Variants in STK3 observed in about 807,000 individuals in gnomAD.
The protein encoded by STK3 is serine/threonine-protein kinase 3.
In STK3, 41 loss-of-function variants were observed where a neutral mutation model predicts 58.0. That is an observed-to-expected ratio of 0.71 (90% CI 0.55 to 0.92). The LOEUF (loss-of-function observed/expected upper bound fraction) is 0.92, where lower values mean the gene tolerates loss of function less well. Ranked by LOEUF, STK3 falls within the 40% of genes least tolerant of loss-of-function variation. The pLI is 0.00. For missense variants in STK3, 479 were observed against 602.7 expected (o/e 0.79, Z 2.15); for synonymous variants, 170 against 191.0 (o/e 0.89, Z 0.91).
At chr8:98,451,256 T>C (rs1186869379), downstream of STK3, among the ~76,000 whole-genome samples, 5 of 152,282 alleles carry the variant, frequency 3.3e-5, no homozygotes, top group Admixed American at 3.3e-4. Context: ...TATACTGGCA[T>C]GCATTGTGGG....
chr8:98,911,267 C>T (rs1839120637), intron 1 of STK3, among the ~76,000 whole-genome samples: 1 of 152,184 alleles, frequency 6.6e-6, no homozygotes, highest in Non-Finnish European at 1.5e-5. Context: ...AGGTAGACCA[C>T]AACTAATTGT....
rs1563825582 is a variant in STK3, at chr8:98,630,655, A to AAGGAGAAGGAGAAGGAGGAGAAGG, written c.685-34510_685-34487dup. Among the ~76,000 whole-genome samples the AAGGAGAAGGAGAAGGAGGAGAAGG allele has an allele frequency of 1.3e-4, 19 of 149,626 alleles. No individual in the cohort carries two copies. In the East Asian group the frequency reaches 3.6e-3, roughly 28 times the overall value. On this transcript the variant is annotated intron_variant, in intron 6 of 10. Transcript: ENST00000419617. Reference sequence around the variant, plus strand: ...GGAACAGAAGAAGAAGGAGAAGGAGAAGGAGAAGGAGAAGGAGGAGAAGGA... The same window carrying AAGGAGAAGGAGAAGGAGGAGAAGG: ...GGAACAGAAGAAGAAGGAGAAGGAGAAGGAGAAGGAGAAGGAGGAGAAGGAGGAGAAGGAGAAGGAGGAGAAGGA...
intron 10 of STK3, among the ~76,000 whole-genome samples, chr8:98,459,753 G>A (rs1371922351): frequency 1.3e-5 from 2 of 152,260 alleles, no homozygotes; most frequent in Non-Finnish European, 2.9e-5. Context: ...CTCGGGCCAT[G>A]GCTTCAGCTC....
At chr8:98,459,366 A>G (rs1045159337) in intron 10 of STK3, among the ~76,000 whole-genome samples, 1 of 152,240 alleles carries the variant, frequency 6.6e-6, no homozygotes, top group Non-Finnish European at 1.5e-5. Context: ...AAAAGCATTC[A>G]GTTTTATGGA....
intron 6 of STK3, among the ~76,000 whole-genome samples, chr8:98,697,040 C>T (rs1421087522): frequency 3.3e-5 from 5 of 152,112 alleles, no homozygotes; most frequent in East Asian, 3.9e-4. Context: ...TCAGAGCCTG[C>T]TATTGGTCTA....
chr8:98,736,645 C>T (rs919800683), intron 4 of STK3, among the ~76,000 whole-genome samples: 17 of 152,050 alleles, frequency 1.1e-4, no homozygotes, highest in Non-Finnish European at 1.5e-4. Flanking sequence ...GAATCAAGAA[C>T]GCTTTACCCC....
chr8:98,648,079 TAC>T (rs1563842757), intron 6 of STK3, among the ~76,000 whole-genome samples: 1 of 152,184 alleles, frequency 6.6e-6, no homozygotes. Flanking sequence ...TACCTTTCTC[TAC>T]AACTCCAGGT....
intron 9 of STK3, among the ~76,000 whole-genome samples, chr8:98,535,183 AAAGT>A (rs1364337107): frequency 5.3e-5 from 8 of 152,198 alleles, no homozygotes; most frequent in African/African-American, 1.9e-4. Flanking sequence ...AACTGCTGGA[AAAGT>A]AAGAAACTCC....
At chr8:98,427,756 A>C in intron 3 of STK3, 1 of 493,200 alleles carries the variant, frequency 2.0e-6, no homozygotes, top group African/African-American at 2.0e-5. Context: ...CTGTGCTAAT[A>C]GAAACATACC....
At chr8:98,512,384 T>A (rs1824588278) in intron 10 of STK3, among the ~76,000 whole-genome samples, 1 of 152,188 alleles carries the variant, frequency 6.6e-6, no homozygotes, top group Non-Finnish European at 1.5e-5. Context: ...CTCAACTTGT[T>A]TAAGGCAAAT....
intron 1 of STK3, among the ~76,000 whole-genome samples, chr8:98,779,695 A>C (rs1303998383): frequency 6.6e-6 from 1 of 152,210 alleles, no homozygotes; most frequent in Non-Finnish European, 1.5e-5. Flanking sequence ...TATGGTCCCA[A>C]GCATCTCAGA....
chr8:98,442,062 C>T (rs750587027), intron 1 of STK3, among the ~76,000 whole-genome samples: 10 of 152,206 alleles, frequency 6.6e-5, no homozygotes, highest in African/African-American at 1.4e-4. Context: ...TGCTTTGGGG[C>T]GGCCCAAGTT....
intron 6 of STK3, among the ~76,000 whole-genome samples, chr8:98,669,144 G>A (rs1822602450): frequency 2.0e-5 from 3 of 151,620 alleles, no homozygotes; most frequent in South Asian, 2.1e-4. Flanking sequence ...TTACAGGCAC[G>A]CACCACCACA....
At chr8:98,474,573 T>G (rs768568479) in intron 10 of STK3, among the ~76,000 whole-genome samples, 2 of 152,202 alleles carry the variant, frequency 1.3e-5, no homozygotes, top group Non-Finnish European at 2.9e-5. Flanking sequence ...TTTCCTTTGC[T>G]TAGAATGTTG....
At chr8:98,429,342 C>T (rs748561913) in intron 3 of STK3, 1 of 1,614,152 alleles carries the variant, frequency 6.2e-7, no homozygotes, top group Admixed American at 1.7e-5. Context: ...AGTTAAATCC[C>T]TTATGGCAAG....
At chr8:98,384,953 G>C (rs1817775470) in intron 1 of STK3, among the ~76,000 whole-genome samples, 2 of 152,132 alleles carry the variant, frequency 1.3e-5, no homozygotes, top group South Asian at 4.1e-4. Flanking sequence ...AATTAGCTGA[G>C]TCCCTCCTCC....
At chr8:98,792,888 G>C (rs1587636106) in intron 1 of STK3, among the ~76,000 whole-genome samples, 1 of 118,098 alleles carries the variant, frequency 8.5e-6, no homozygotes, top group East Asian at 2.2e-4. Flanking sequence ...ACTGGATAAA[G>C]AGACTGTATG....
chr8:98,432,356 C>A (rs1413800404), intron 3 of STK3: 3 of 167,044 alleles, frequency 1.8e-5, no homozygotes, highest in Non-Finnish European at 4.4e-5. Context: ...TGCCAGTGGG[C>A]CAAATATATG....
intron 3 of STK3, among the ~76,000 whole-genome samples, chr8:98,408,324 C>T (rs2131036683): frequency 6.6e-6 from 1 of 152,190 alleles, no homozygotes; most frequent in East Asian, 1.9e-4. Context: ...AATTATTTTC[C>T]ACCACAACAA....
Sources: gnomAD v4.1 joint callset for allele counts (sites outside exome capture counted in the v4.1 genomes callset) on GRCh38, gnomAD v4.1.1 for gene constraint, MANE v1.5 for transcripts, NCBI Gene and HGNC (gene_info 2026-07-23, HGNC 2026-07-21) for gene names.